MAGI1: variants seen among roughly 807,000 people sequenced by gnomAD.
MAGI1 encodes membrane associated guanylate kinase, WW and PDZ domain containing 1.
Under a neutral mutation model 139.9 loss-of-function variants are expected in MAGI1, and 58 were observed. The observed-to-expected ratio is 0.41, with a 90% CI of 0.34 to 0.52. The LOEUF (loss-of-function observed/expected upper bound fraction) is 0.52. Among genes scored for constraint, MAGI1 ranks in the 20% least tolerant of loss-of-function variants. The pLI is 0.12. For synonymous variants in MAGI1, 812 were observed against 737.9 expected (o/e 1.10, Z -1.63); for missense variants, 1,874 against 1,901.6 (o/e 0.99, Z 0.27).
chr3:65,515,712 T>G (rs1459948397), intron 2 of MAGI1, among the ~76,000 whole-genome samples: 2 of 152,226 alleles, frequency 1.3e-5, no homozygotes, highest in African/African-American at 4.8e-5. Flanking sequence ...CCAGGATGAA[T>G]TCTGGGAATC....
chr3:65,959,002 C>CA lies in MAGI1; in HGVS notation c.313+78993dup, dbSNP rs201487359. ...ACTGTAACTCAAAAAAAAAAAACAACAAAAAAAACCACATTTTGCCCCTTG... is the reference window on the plus strand; with the variant it reads ...ACTGTAACTCAAAAAAAAAAAACAACAAAAAAAAACCACATTTTGCCCCTTG... On this transcript the variant is annotated intron_variant, in intron 1 of 22. Coordinates refer to ENST00000402939, the MANE Select transcript of MAGI1 (RefSeq NM_001033057.2). 8.0e-5 allele frequency among the ~76,000 whole-genome samples: 12 copies of CA among 150,574 alleles called. No homozygotes were observed. In the South Asian group the frequency reaches 1.7e-3, roughly 21 times the overall value.
chr3:65,788,421 A>G (rs1342265427), intron 1 of MAGI1, among the ~76,000 whole-genome samples: 2 of 152,238 alleles, frequency 1.3e-5, no homozygotes, highest in African/African-American at 4.8e-5. Context: ...TCTGGAAGCC[A>G]GTGGCTAGTA....
At chr3:65,380,262 C>T (rs922096793) in intron 16 of MAGI1, among the ~76,000 whole-genome samples, 1 of 152,116 alleles carries the variant, frequency 6.6e-6, no homozygotes, top group African/African-American at 2.4e-5. Context: ...CCAACTATGC[C>T]AAAAAACAAA....
intron 20 of MAGI1, 97 bp from the exon 21 acceptor site, chr3:65,363,705 CT>C: frequency 3.4e-6 from 3 of 891,432 alleles, no homozygotes; most frequent in Non-Finnish European, 5.1e-6. Context: ...CTCTATCCCC[CT>C]CTTGGTGACT....
At chr3:65,736,477 T>C (rs972404284) in intron 1 of MAGI1, among the ~76,000 whole-genome samples, 1 of 152,162 alleles carries the variant, frequency 6.6e-6, no homozygotes, top group Non-Finnish European at 1.5e-5. Context: ...CAATATGCTG[T>C]CTGCAAGCTA....
intron 1 of MAGI1, among the ~76,000 whole-genome samples, chr3:65,661,752 T>G (rs2086206436): frequency 2.9e-5 from 4 of 136,770 alleles, no homozygotes; most frequent in Admixed American, 7.3e-5. Flanking sequence ...TCTGTTTTTT[T>G]TTTTTTTTTT....
intron 2 of MAGI1, among the ~76,000 whole-genome samples, chr3:65,581,594 T>C (rs1379333168): frequency 6.6e-6 from 1 of 152,142 alleles, no homozygotes; most frequent in Non-Finnish European, 1.5e-5. Flanking sequence ...GCACTGGCTG[T>C]TCCCTTTACC....
At chr3:65,785,786 T>G (rs1263869886) in intron 1 of MAGI1, among the ~76,000 whole-genome samples, 1 of 152,152 alleles carries the variant, frequency 6.6e-6, no homozygotes, top group Non-Finnish European at 1.5e-5. Context: ...TACATCAAAA[T>G]ATTTCTTTTC....
intron 1 of MAGI1, among the ~76,000 whole-genome samples, chr3:66,006,732 G>A (rs2067033442): frequency 6.6e-6 from 1 of 152,068 alleles, no homozygotes; most frequent in Non-Finnish European, 1.5e-5. Context: ...ATAAAACAGG[G>A]GAATGGGATT....
intron 14 of MAGI1, among the ~76,000 whole-genome samples, chr3:65,388,704 G>A (rs1943646742): frequency 6.6e-6 from 1 of 151,936 alleles, no homozygotes; most frequent in African/African-American, 2.4e-5. Context: ...ACATCAATTA[G>A]GTTGCTACTA....
intron 1 of MAGI1, among the ~76,000 whole-genome samples, chr3:65,654,223 T>C (rs2085740274): frequency 6.6e-6 from 1 of 152,220 alleles, no homozygotes; most frequent in African/African-American, 2.4e-5. Flanking sequence ...TCTTCTCAGT[T>C]TGCAGATCTT....
intron 1 of MAGI1, among the ~76,000 whole-genome samples, chr3:65,756,762 C>T (rs1020442706): frequency 6.6e-6 from 1 of 152,136 alleles, no homozygotes; most frequent in South Asian, 2.1e-4. Flanking sequence ...ACCTTCAATA[C>T]AGAGTGTTCA....
At chr3:65,955,108 CAG>C in intron 1 of MAGI1, among the ~76,000 whole-genome samples, 1 of 152,052 alleles carries the variant, frequency 6.6e-6, no homozygotes, top group East Asian at 1.9e-4. Context: ...AAGAGAGAGA[CAG>C]AGACAGAAAG....
intron 1 of MAGI1, among the ~76,000 whole-genome samples, chr3:65,777,333 C>A (rs1286692687): frequency 6.6e-6 from 1 of 152,052 alleles, no homozygotes. Flanking sequence ...AAATTAGTCA[C>A]CATTTGTGAT....
chr3:65,508,520 G>T (rs1234963158), intron 2 of MAGI1, among the ~76,000 whole-genome samples: 1 of 151,954 alleles, frequency 6.6e-6, no homozygotes, highest in Non-Finnish European at 1.5e-5. Flanking sequence ...ATAGAAATTG[G>T]GCCTTTTCAA....
intron 2 of MAGI1, among the ~76,000 whole-genome samples, chr3:65,614,435 T>C (rs1196359124): frequency 1.3e-5 from 2 of 152,146 alleles, no homozygotes; most frequent in Admixed American, 6.5e-5. Context: ...ATTTTCTTCA[T>C]TGGAAAATGG....
intron 3 of MAGI1, among the ~76,000 whole-genome samples, chr3:65,489,642 G>A (rs893212451): frequency 6.6e-6 from 1 of 152,160 alleles, no homozygotes; most frequent in Non-Finnish European, 1.5e-5. Context: ...GGGACACTAT[G>A]CAGCATTTAT....
At chr3:65,612,346 C>A (rs962207735) in intron 2 of MAGI1, among the ~76,000 whole-genome samples, 1 of 152,080 alleles carries the variant, frequency 6.6e-6, no homozygotes, top group Non-Finnish European at 1.5e-5. Flanking sequence ...TTTGTCCTCT[C>A]TCTCCCTCCT....
intron 2 of MAGI1, among the ~76,000 whole-genome samples, chr3:65,595,769 T>A (rs558500894): frequency 8.5e-6 from 1 of 117,228 alleles, no homozygotes. Flanking sequence ...AGAAACTACA[T>A]GGGGAAGCAA....
Sources: gnomAD v4.1 joint callset for allele counts (sites outside exome capture counted in the v4.1 genomes callset) on GRCh38, gnomAD v4.1.1 for gene constraint, MANE v1.5 for transcripts, NCBI Gene and HGNC (gene_info 2026-07-23, HGNC 2026-07-21) for gene names.